Variants in ACTR3C observed in about 807,000 individuals in gnomAD.
The protein encoded by ACTR3C is actin-related protein 3C.
A neutral mutation model predicts 26.3 loss-of-function variants in ACTR3C; 18 were observed. That is an observed-to-expected ratio of 0.68 (90% confidence interval 0.47 to 1.01). ACTR3C has a LOEUF of 1.01. ACTR3C is among the 50% of genes least tolerant of loss of function. The pLI is 0.00. For synonymous variants in ACTR3C, 55 were observed against 94.5 expected (o/e 0.58, Z 2.42); for missense variants, 184 against 250.7 (o/e 0.73, Z 1.80).
the ACTR3C span, among the ~76,000 whole-genome samples, chr7:150,119,273 A>G: frequency 6.6e-6 from 1 of 152,230 alleles, no homozygotes; most frequent in African/African-American, 2.4e-5. Flanking sequence ...AAATGCCCCA[A>G]TTAAAAGATA....
At chr7:150,037,859 A>T in the ACTR3C span, among the ~76,000 whole-genome samples, 76 of 82,868 alleles carry the variant, frequency 9.2e-4, 1 homozygote, top group East Asian at 5.5e-3. Flanking sequence ...CTCCGCCCCC[A>T]GCGATGGGGG....
chr7:149,918,074 C>A, the ACTR3C span, among the ~76,000 whole-genome samples: 1 of 151,996 alleles, frequency 6.6e-6, no homozygotes, highest in Non-Finnish European at 1.5e-5. Flanking sequence ...CTCTATAGAA[C>A]GAAGAATTCA....
At chr7:150,080,527 ATGTGTG>A in the ACTR3C span, among the ~76,000 whole-genome samples, 3,377 of 142,608 alleles carry the variant, frequency 0.024, 62 homozygotes, top group Middle Eastern at 0.059. Flanking sequence ...TTGTGTGTGT[ATGTGTG>A]TGTGTGTGTG....
Position 150,313,651 on chromosome 7 carries a change from G to A in ACTR3C, c.-52+9818C>T, listed in dbSNP as rs1272667643. Among the ~76,000 whole-genome samples, 8 of 152,106 alleles carry A rather than the reference G, an allele frequency of 5.3e-5. No individual in the cohort carries two copies. The South Asian group carries it at 6.2e-4, about 12-fold the overall frequency. On this transcript the variant is annotated intron_variant, in intron 1 of 7. Transcript: ENST00000683684. ...CATGGTCTGAACCAGTTTTTTTCAC[G>A]TTAACTTTGCAATGCCCTGGCCAAG...
At chr7:149,890,432 C>G in the ACTR3C span, among the ~76,000 whole-genome samples, 4 of 148,760 alleles carry the variant, frequency 2.7e-5, no homozygotes, top group African/African-American at 1.0e-4. Context: ...TAATTAGGGC[C>G]CATAACTCAG....
chr7:150,040,514 AC>A, the ACTR3C span: 1 of 148,756 alleles, frequency 6.7e-6, no homozygotes, highest in Non-Finnish European at 1.5e-5. Context: ...TTTGGGATCC[AC>A]AGTCTACGAA....
At chr7:150,172,282 T>C in the ACTR3C span, among the ~76,000 whole-genome samples, 1 of 150,544 alleles carries the variant, frequency 6.6e-6, no homozygotes, top group Non-Finnish European at 1.5e-5. Flanking sequence ...ATTGGACTTA[T>C]AGTTCCACAT....
the ACTR3C span, among the ~76,000 whole-genome samples, chr7:149,986,347 T>G: frequency 6.6e-6 from 1 of 152,238 alleles, no homozygotes; most frequent in Non-Finnish European, 1.5e-5. Flanking sequence ...GTCTGATGTG[T>G]CTGTGTGTTT....
the ACTR3C span, among the ~76,000 whole-genome samples, chr7:150,039,008 G>C: frequency 2.0e-5 from 2 of 102,518 alleles, 1 homozygote; most frequent in Admixed American, 2.1e-4. Context: ...CCGGGGGGCG[G>C]GGAAGAGGGT....
At chr7:150,147,144 T>G in the ACTR3C span, among the ~76,000 whole-genome samples, 1 of 152,188 alleles carries the variant, frequency 6.6e-6, no homozygotes, top group Non-Finnish European at 1.5e-5. Context: ...CTTGGGAAAC[T>G]GAAAATCAAT....
At chr7:150,199,216 T>C in the ACTR3C span, among the ~76,000 whole-genome samples, 1 of 137,564 alleles carries the variant, frequency 7.3e-6, no homozygotes, top group Non-Finnish European at 1.5e-5. Context: ...CGTGTCTGTG[T>C]AGAAAGAAGT....
At chr7:150,033,650 A>T in the ACTR3C span, among the ~76,000 whole-genome samples, 66 of 146,046 alleles carry the variant, frequency 4.5e-4, no homozygotes, top group Admixed American at 7.5e-4. Context: ...GGGAAAAGGG[A>T]GTGGCTCTCA....
chr7:150,080,527 A>ATGTGTGTGTGTGTGTG, the ACTR3C span, among the ~76,000 whole-genome samples: 3 of 142,554 alleles, frequency 2.1e-5, no homozygotes, highest in African/African-American at 7.9e-5. Context: ...TTGTGTGTGT[A>ATGTGTGTGTGTGTGTG]TGTGTGTGTG....
chr7:150,227,697 T>TTG, the ACTR3C span, among the ~76,000 whole-genome samples: 8,318 of 141,104 alleles, frequency 0.059, 665 homozygotes, highest in African/African-American at 0.15. Flanking sequence ...GGTTTTTTTT[T>TTG]TTTGTTTTTT....
chr7:150,035,994 G>A, the ACTR3C span, among the ~76,000 whole-genome samples: 11 of 132,952 alleles, frequency 8.3e-5, 2 homozygotes, highest in Non-Finnish European at 1.3e-4. Flanking sequence ...CTGCCTCGCG[G>A]GGGGTGCCTC....
chr7:150,217,470 AC>A, the ACTR3C span, among the ~76,000 whole-genome samples: 6 of 150,052 alleles, frequency 4.0e-5, no homozygotes, highest in Non-Finnish European at 7.4e-5. Context: ...TAACTACTCA[AC>A]TGGGTGTCCT....
chr7:150,160,113 T>C, the ACTR3C span, among the ~76,000 whole-genome samples: 1 of 152,284 alleles, frequency 6.6e-6, no homozygotes, highest in African/African-American at 2.4e-5. Context: ...GAAATATTAA[T>C]GCATTCTAAT....
chr7:150,075,589 T>C, the ACTR3C span, among the ~76,000 whole-genome samples: 1 of 152,188 alleles, frequency 6.6e-6, no homozygotes, highest in Non-Finnish European at 1.5e-5. Flanking sequence ...AGTTCTAGAA[T>C]CGACACTATT....
At chr7:149,887,958 ACCT>A in the ACTR3C span, among the ~76,000 whole-genome samples, 1 of 151,802 alleles carries the variant, frequency 6.6e-6, no homozygotes, top group African/African-American at 2.4e-5. Flanking sequence ...TGATTCTGAG[ACCT>A]CCTCAACCTT....
Sources: allele counts gnomAD v4.1 joint callset (sites outside exome capture counted in the v4.1 genomes callset), GRCh38; gene constraint gnomAD v4.1.1; transcripts MANE v1.5; gene names NCBI Gene and HGNC (gene_info 2026-07-23, HGNC 2026-07-21).